CEP112: variants seen among roughly 807,000 people sequenced by gnomAD.
CEP112 encodes centrosomal protein of 112 kDa.
Under a neutral mutation model 153.0 loss-of-function variants are expected in CEP112, and 127 were observed. The observed-to-expected ratio is 0.83, with a 90% CI of 0.72 to 0.96. The LOEUF is 0.96. Ranked by LOEUF, CEP112 falls within the 40% of genes least tolerant of loss-of-function variation. The pLI is 0.00. For synonymous variants in CEP112, 358 were observed against 374.4 expected, an observed-to-expected ratio of 0.96 and a Z score of 0.51; for missense variants, 1,089 against 1,101.2, an observed-to-expected ratio of 0.99 and a Z score of 0.16.
intron 24 of CEP112, among the ~76,000 whole-genome samples, chr17:65,681,526 T>A (rs1354548727): frequency 6.6e-6 from 1 of 150,584 alleles, no homozygotes; most frequent in Non-Finnish European, 1.5e-5. Flanking sequence ...AATGTCCTCC[T>A]GCTAGCATCT....
intron 10 of CEP112, among the ~76,000 whole-genome samples, chr17:66,065,558 A>G (rs997131960): frequency 6.6e-6 from 1 of 152,140 alleles, no homozygotes; most frequent in African/African-American, 2.4e-5. Flanking sequence ...GACAAAGTTC[A>G]AGCTTCTAAA....
chr17:65,845,075 T>C (rs973147630), intron 21 of CEP112, among the ~76,000 whole-genome samples: 5 of 152,118 alleles, frequency 3.3e-5, no homozygotes, highest in African/African-American at 1.2e-4. Flanking sequence ...CTCCCAGCAC[T>C]TTGGGAGGCC....
At chr17:65,935,877 T>G (rs764049437) in intron 18 of CEP112, among the ~76,000 whole-genome samples, 2 of 150,710 alleles carry the variant, frequency 1.3e-5, no homozygotes, top group Non-Finnish European at 3.0e-5. Context: ...AAGCCTAAAG[T>G]TAGGAGAAGG....
Position 65,927,620 on chromosome 17 carries a change from A to AT in CEP112, c.1941dup (p.Trp648MetfsTer11), listed in dbSNP as rs2060974968. The AT allele has an allele frequency of 6.2e-7, 1 of 1,602,610 alleles. No homozygotes were observed. ...CGCTGTCTGATGTCCTCCAGTTGCCATAAAAACTCCTTTGATTGTTTCTCA... is the reference window on the plus strand; with the variant it reads ...CGCTGTCTGATGTCCTCCAGTTGCCATTAAAAACTCCTTTGATTGTTTCTCA... On this transcript the variant is annotated frameshift_variant, in exon 19 of 27. Transcript: ENST00000535342. LOFTEE classifies it high-confidence loss of function.
chr17:65,913,895 C>T, intron 19 of CEP112: 1 of 984,494 alleles, frequency 1.0e-6, no homozygotes. Context: ...AACACTTCTC[C>T]AGCACCTGTA....
chr17:65,803,557 T>C (rs945699853), intron 21 of CEP112, among the ~76,000 whole-genome samples: 7 of 152,206 alleles, frequency 4.6e-5, no homozygotes, highest in African/African-American at 1.2e-4. Flanking sequence ...AGCAAGGAAG[T>C]CCTTTCTCCA....
At chr17:65,763,441 A>G (rs968638584) in intron 21 of CEP112, among the ~76,000 whole-genome samples, 2 of 151,532 alleles carry the variant, frequency 1.3e-5, no homozygotes, top group African/African-American at 4.8e-5. Flanking sequence ...CTTTATTCCC[A>G]TATGTGTACA....
At chr17:65,958,683 A>C (rs1212650445) in intron 18 of CEP112, among the ~76,000 whole-genome samples, 1 of 134,978 alleles carries the variant, frequency 7.4e-6, no homozygotes, top group Non-Finnish European at 1.6e-5. Flanking sequence ...CCTGCAGGCA[A>C]CCCTTGACAC....
intron 21 of CEP112, among the ~76,000 whole-genome samples, chr17:65,809,944 C>A (rs925523976): frequency 1.3e-5 from 2 of 152,032 alleles, no homozygotes; most frequent in African/African-American, 4.8e-5. Context: ...CGATGTTCTT[C>A]CTAACTGATA....
chr17:66,161,139 T>C lies in CEP112; in HGVS notation c.470+13905A>G, dbSNP rs572386705. Among the ~76,000 whole-genome samples, 2 of 152,286 alleles carry C rather than the reference T, an allele frequency of 1.3e-5. 1 individual carries two copies. The highest frequency in any genetic ancestry group is 4.8e-5 in the African/African-American group (2 of 41,560). ...AAATCAAAACCACAATGAGATACCA[T>C]CTCACACCAGTTAGAATGGCAATCA... On this transcript the variant is annotated intron_variant, in intron 4 of 26. Transcript: ENST00000535342.
intron 4 of CEP112, among the ~76,000 whole-genome samples, chr17:66,142,932 G>C (rs976312739): frequency 6.6e-6 from 1 of 152,092 alleles, no homozygotes; most frequent in Non-Finnish European, 1.5e-5. Flanking sequence ...AGATTGCTTT[G>C]TGTATGGACA....
At chr17:66,164,181 T>A (rs1485337358) in intron 4 of CEP112, among the ~76,000 whole-genome samples, 2 of 152,246 alleles carry the variant, frequency 1.3e-5, no homozygotes, top group Non-Finnish European at 2.9e-5. Context: ...AGTTTTCACT[T>A]CTCATTTATG....
chr17:65,683,963 C>T (rs1295687014), intron 24 of CEP112, among the ~76,000 whole-genome samples: 1 of 152,114 alleles, frequency 6.6e-6, no homozygotes, highest in African/African-American at 2.4e-5. Context: ...ATCACTTGAA[C>T]CCGGGAAGCA....
At chr17:65,741,393 C>A (rs1270344292) in intron 23 of CEP112, among the ~76,000 whole-genome samples, 3 of 151,724 alleles carry the variant, frequency 2.0e-5, no homozygotes, top group Non-Finnish European at 4.4e-5. Flanking sequence ...GTGAGTGAAT[C>A]AAAACTTAGC....
intron 23 of CEP112, among the ~76,000 whole-genome samples, chr17:65,727,665 C>T (rs1296551048): frequency 6.6e-6 from 1 of 152,060 alleles, no homozygotes; most frequent in Non-Finnish European, 1.5e-5. Context: ...GAAAGAAGGG[C>T]CAATTTGGAA....
intron 18 of CEP112, among the ~76,000 whole-genome samples, chr17:65,933,868 T>C (rs2061213881): frequency 6.6e-6 from 1 of 152,152 alleles, no homozygotes; most frequent in Non-Finnish European, 1.5e-5. Context: ...AAAACAAAAC[T>C]TTTAAAAGCA....
chr17:65,660,297 CTCT>C (rs1230136686), intron 24 of CEP112, among the ~76,000 whole-genome samples: 3 of 136,462 alleles, frequency 2.2e-5, no homozygotes, highest in Non-Finnish European at 4.6e-5. Context: ...CTCCCTCCTT[CTCT>C]TTTCTCTCTT....
chr17:65,674,153 G>A (rs937085162), intron 24 of CEP112, among the ~76,000 whole-genome samples: 2 of 152,186 alleles, frequency 1.3e-5, no homozygotes, highest in African/African-American at 4.8e-5. Context: ...TTACAGATGT[G>A]AGCCACCATG....
At chr17:65,827,166 T>G (rs1227891186) in intron 21 of CEP112, among the ~76,000 whole-genome samples, 1 of 152,236 alleles carries the variant, frequency 6.6e-6, no homozygotes, top group African/African-American at 2.4e-5. Context: ...AGCCACAGAC[T>G]GAAGGCTGCA....
Sources: gnomAD v4.1 joint callset for allele counts (sites outside exome capture counted in the v4.1 genomes callset) on GRCh38, gnomAD v4.1.1 for gene constraint, MANE v1.5 for transcripts, NCBI Gene and HGNC (gene_info 2026-07-23, HGNC 2026-07-21) for gene names.